NCOA6: variants seen among roughly 807,000 people sequenced by gnomAD.
NCOA6 encodes the protein NRC RAP250.
In NCOA6, 49 loss-of-function variants were observed where a neutral mutation model predicts 171.4. That is an observed-to-expected ratio of 0.29 (90% confidence interval 0.23 to 0.36). The LOEUF is 0.36. Ranked by LOEUF, NCOA6 falls within the 10% of genes least tolerant of loss-of-function variation. NCOA6 has a pLI of 1.00. For missense variants in NCOA6, 2,248 were observed against 2,554.5 expected, an observed-to-expected ratio of 0.88 and a Z score of 2.59; for synonymous variants, 910 against 927.5, an observed-to-expected ratio of 0.98 and a Z score of 0.34.
intron 1 of NCOA6, among the ~76,000 whole-genome samples, chr20:34,809,999 T>C (rs2078601069): frequency 1.3e-5 from 2 of 152,120 alleles, no homozygotes; most frequent in South Asian, 2.1e-4. Flanking sequence ...AGATGACCTA[T>C]CTACAATTTC....
chr20:34,785,894 CAGAG>C (rs1221061257), intron 2 of NCOA6, among the ~76,000 whole-genome samples: 11 of 135,924 alleles, frequency 8.1e-5, no homozygotes, highest in African/African-American at 1.9e-4. Flanking sequence ...AAAAAAAAAA[CAGAG>C]AGAAATTGAA....
intron 1 of NCOA6, among the ~76,000 whole-genome samples, chr20:34,800,594 A>G (rs1203410455): frequency 1.3e-5 from 2 of 152,114 alleles, no homozygotes; most frequent in Non-Finnish European, 2.9e-5. Context: ...TTTCAAGACA[A>G]AACTATAAAA....
intron 1 of NCOA6, among the ~76,000 whole-genome samples, chr20:34,807,813 C>A (rs2078506596): frequency 6.6e-6 from 1 of 151,504 alleles, no homozygotes; most frequent in Admixed American, 6.6e-5. Flanking sequence ...GCATGAGCCA[C>A]CGTGCCCGGC....
rs2077323573 is a variant in NCOA6 at position 34,776,390 on chromosome 20, G to C, written c.294C>G (p.Phe98Leu). The part of the protein sequence containing the change: ...VEPWNSVRVT[F>L]NIPREAAERL... ...GCTCCGCTGCTTCCCGGGGGATGTT[G>C]AATGTCACACGCACGCTGTTCCAGG... The change falls in exon 4 of 15, where the codon TTC becomes TTG. Residue 98 changes from phenylalanine to leucine, a missense_variant. Phe to Leu is a conservative substitution (Grantham distance 22). Transcript: ENST00000359003. The C allele has an allele frequency of 6.2e-7, 1 of 1,614,046 alleles. No individual in the cohort carries two copies. The highest frequency in any genetic ancestry group is 8.5e-7 in the Non-Finnish European group (1 of 1,180,032).
intron 5 of NCOA6, 138 bp downstream of exon 5, chr20:34,768,326 A>C (rs1438928724): frequency 1.3e-5 from 15 of 1,145,418 alleles, no homozygotes; most frequent in Non-Finnish European, 1.7e-5. Flanking sequence ...GGAAGGACTC[A>C]TGTCTAGCTT....
At chr20:34,799,976 A>G (rs573896849) in intron 1 of NCOA6, among the ~76,000 whole-genome samples, 33 of 152,338 alleles carry the variant, frequency 2.2e-4, no homozygotes, top group African/African-American at 7.7e-4. Flanking sequence ...GTAGTGTATA[A>G]ACTACTCATA....
At chr20:34,737,519 T>C (rs2075994216) in intron 11 of NCOA6, among the ~76,000 whole-genome samples, 1 of 152,164 alleles carries the variant, frequency 6.6e-6, no homozygotes, top group Non-Finnish European at 1.5e-5. Flanking sequence ...GAGTTAGCAA[T>C]TCTAGGTTGA....
chr20:34,758,945 A>G lies in NCOA6; in HGVS notation c.515-12T>C. 6.2e-7 allele frequency: 1 copy of G among 1,613,132 alleles called. No individual in the cohort carries two copies. The highest frequency in any genetic ancestry group is 1.1e-5 in the South Asian group (1 of 90,936). On this transcript the variant is annotated splice_polypyrimidine_tract_variant and intron_variant, in intron 5 of 14. Coordinates refer to ENST00000359003, the MANE Select transcript of NCOA6 (RefSeq NM_014071.5). The stretch of plus-strand genomic sequence containing the variant: ...CATCCTTATTATTCCTAGAAAAAAG[A>G]TCCCTAAAATAGAGTACTGGAATTG...
At chr20:34,757,126 T>G in intron 7 of NCOA6, 94 bp downstream of exon 7, 1 of 1,312,940 alleles carries the variant, frequency 7.6e-7, no homozygotes, top group Non-Finnish European at 1.0e-6. Context: ...ATTATATCCT[T>G]ACTCCACTCC....
At chr20:34,782,038 G>T in intron 3 of NCOA6, 83 bp downstream of exon 3, 3 of 997,828 alleles carry the variant, frequency 3.0e-6, no homozygotes, top group Non-Finnish European at 4.4e-6. Context: ...TAACAAGCTT[G>T]TTTTGTAAAA....
chr20:34,738,807 G>A (rs1465480905), intron 11 of NCOA6: 4 of 450,704 alleles, frequency 8.9e-6, no homozygotes, highest in South Asian at 1.6e-5. Flanking sequence ...GTTAAGGAAC[G>A]TATCAACTGT....
chr20:34,802,906 C>T (rs755512496), intron 1 of NCOA6, among the ~76,000 whole-genome samples: 7 of 152,048 alleles, frequency 4.6e-5, no homozygotes, highest in Non-Finnish European at 1.0e-4. Context: ...CCAAGTGATC[C>T]TCCCACTTCA....
At chr20:34,755,984 G>A (rs374593800) in intron 7 of NCOA6, among the ~76,000 whole-genome samples, 21 of 152,214 alleles carry the variant, frequency 1.4e-4, no homozygotes, top group Middle Eastern at 3.4e-3. Context: ...TTATCTGCCC[G>A]CCTTGGCCTC....
At chr20:34,809,444 T>C in intron 1 of NCOA6, 1 of 398,506 alleles carries the variant, frequency 2.5e-6, no homozygotes, top group Non-Finnish European at 4.4e-6. Flanking sequence ...TTCTACAGAA[T>C]CAACAGACCT....
intron 2 of NCOA6, among the ~76,000 whole-genome samples, chr20:34,790,887 G>T (rs906713308): frequency 6.6e-6 from 1 of 151,856 alleles, no homozygotes; most frequent in Non-Finnish European, 1.5e-5. Flanking sequence ...CTGACCTCAA[G>T]TGATACACCC....
At chr20:34,763,167 A>G (rs2076868421) in intron 5 of NCOA6, among the ~76,000 whole-genome samples, 1 of 152,202 alleles carries the variant, frequency 6.6e-6, no homozygotes, top group Admixed American at 6.5e-5. Flanking sequence ...CATTCTGGAA[A>G]AAATTTTAGC....
At position 34,746,929 on chromosome 20, in the gene NCOA6, CTAAAAA is replaced by C; in HGVS notation, c.2793-7_2793-2del. On this transcript the variant is annotated splice_acceptor_variant and splice_polypyrimidine_tract_variant and intron_variant, in intron 9 of 14. Coordinates refer to ENST00000359003, the MANE Select transcript of NCOA6 (RefSeq NM_014071.5). LOFTEE classifies it high-confidence loss of function. ...ACCAGCTGGGCGAGTATCTGGGGTGCTAAAAAAAAAAAAAAAAAAAAAAGTGACATA... is the reference window on the plus strand; with the variant it reads ...ACCAGCTGGGCGAGTATCTGGGGTGCAAAAAAAAAAAAAAAAAGTGACATA... 9.3e-7 allele frequency: 1 copy of C among 1,072,914 alleles called. No homozygotes were observed. Among genetic ancestry groups the C allele is most frequent in the Non-Finnish European group, 1.2e-6 (1 of 867,470 alleles). 66.5% of individuals were successfully genotyped at this position (1,072,914 alleles called of 1,614,324 possible).
At chr20:34,789,100 A>G (rs1373616368) in intron 2 of NCOA6, among the ~76,000 whole-genome samples, 2 of 152,250 alleles carry the variant, frequency 1.3e-5, no homozygotes, top group African/African-American at 4.8e-5. Context: ...GAAGCCTGAT[A>G]TTAGGAAATC....
intron 5 of NCOA6, among the ~76,000 whole-genome samples, chr20:34,765,395 G>A (rs1369509107): frequency 6.7e-6 from 1 of 149,168 alleles, no homozygotes; most frequent in African/African-American, 2.5e-5. Context: ...AGCCGAGATC[G>A]TGCCACTGCA....
Sources: allele counts gnomAD v4.1 joint callset (sites outside exome capture counted in the v4.1 genomes callset), GRCh38; gene constraint gnomAD v4.1.1; transcripts MANE v1.5; gene names NCBI Gene and HGNC (gene_info 2026-07-23, HGNC 2026-07-21).